DNAJC10: variants seen among roughly 807,000 people sequenced by gnomAD.
DNAJC10 encodes the protein endoplasmic reticulum disulfide reductase DNAJC10.
Under a neutral mutation model 115.0 loss-of-function variants are expected in DNAJC10, and 101 were observed. The ratio of observed to expected loss-of-function variants is 0.88; its 90% CI spans 0.75 to 1.04. The LOEUF (loss-of-function observed/expected upper bound fraction) is 1.04. Among genes scored for constraint, DNAJC10 ranks in the 50% least tolerant of loss-of-function variants. The probability of loss-of-function intolerance (pLI) is 0.00; values close to 1 mark genes in which losing one functional copy is unlikely to be tolerated. For missense variants in DNAJC10, 981 were observed against 928.8 expected (o/e 1.06, Z -0.73); for synonymous variants, 307 against 301.5 (o/e 1.02, Z -0.19).
At chr2:182,759,402 T>G in intron 21 of DNAJC10, 95 bp downstream of exon 21, 1 of 1,210,958 alleles carries the variant, frequency 8.3e-7, no homozygotes, top group South Asian at 1.4e-5. Context: ...GTTTTTTTCT[T>G]AAATGTTTCC....
rs1420720544 is a variant in DNAJC10 at position 182,791,965 on chromosome 2, A to G, written c.*14833A>G. On this transcript the variant is annotated 3_prime_UTR_variant, in exon 24 of 24. Coordinates refer to ENST00000264065, the MANE Select transcript of DNAJC10 (RefSeq NM_018981.4). Reference sequence around the variant, plus strand: ...TTTAAATTTAACTCTAAACAATGCAATAATCTAGAGAATCAGAGAATTGGA... The same window carrying G: ...TTTAAATTTAACTCTAAACAATGCAGTAATCTAGAGAATCAGAGAATTGGA... The G allele has an allele frequency of 1.3e-5, 2 of 152,186 alleles. No individual in the cohort carries two copies. The highest frequency in any genetic ancestry group is 3.2e-3 in the Middle Eastern group (1 of 316). The allele number at this position is 152,186 out of a possible 1,614,324, so 9.4% of individuals were successfully genotyped here.
intron 7 of DNAJC10, among the ~76,000 whole-genome samples, chr2:182,729,439 G>C (rs1693384084): frequency 6.6e-6 from 1 of 152,052 alleles, no homozygotes; most frequent in Non-Finnish European, 1.5e-5. Flanking sequence ...GTGAGCCACA[G>C]TGCCTGGCAA....
Position 182,718,043 on chromosome 2 carries a change from G to A in DNAJC10, c.-44G>A. The A allele has an allele frequency of 1.4e-6, 2 of 1,456,790 alleles. No homozygotes were observed. The highest frequency in any genetic ancestry group is 2.6e-5 in the South Asian group (2 of 76,700). 90.2% of individuals were successfully genotyped at this position (1,456,790 alleles called of 1,614,324 possible). A position where few individuals can be genotyped will look rare whatever the true frequency, so the allele number is the denominator to read the frequency against. On this transcript the variant is annotated 5_prime_UTR_variant, in exon 3 of 24. Transcript: ENST00000264065. ...TATTACATCAACTGGAACCAGCAGT[G>A]AATCTTAATGTTCACTTAAATCAGA...
rs1269475598 is a variant in DNAJC10, at chr2:182,762,730, G to A, written c.2194G>A (p.Ala732Thr). The A allele has an allele frequency of 6.2e-7, 1 of 1,612,438 alleles. No homozygotes were observed. The highest frequency in any genetic ancestry group is 1.1e-5 in the South Asian group (1 of 91,056). Residue 732 changes from alanine (A) to threonine (T), a missense_variant, in exon 22 of 24, where the codon GCT (alanine) becomes ACT (threonine). Transcript: ENST00000264065. ...KAGKVDCQAY[A>T]QTCQKAGIRA... is the part of the protein sequence containing the mutation. ...TGGAAAAGTAGACTGTCAGGCTTATGCTCAGACATGCCAGAAAGCTGGGAT... is the reference window on the plus strand; with the variant it reads ...TGGAAAAGTAGACTGTCAGGCTTATACTCAGACATGCCAGAAAGCTGGGAT...
chr2:182,768,246 C>T (rs1057186620), intron 22 of DNAJC10, among the ~76,000 whole-genome samples: 4 of 152,174 alleles, frequency 2.6e-5, no homozygotes, highest in African/African-American at 9.6e-5. Context: ...CCTGAGTCTT[C>T]ATTTCTTTGA....
chr2:182,767,535 C>T (rs781116490), intron 22 of DNAJC10, among the ~76,000 whole-genome samples: 2 of 152,142 alleles, frequency 1.3e-5, no homozygotes, highest in South Asian at 2.1e-4. Context: ...TGGGATTCCT[C>T]GAAAATTGAT....
At chr2:182,756,290 T>C (rs900643442) in intron 17 of DNAJC10, 24 bp from the exon 18 acceptor site, 1 of 1,594,216 alleles carries the variant, frequency 6.3e-7, no homozygotes, top group South Asian at 1.1e-5. Flanking sequence ...ATATATGTTA[T>C]AATGGAAGCT....
In DNAJC10 at chr2:182,794,079, A is replaced by G. The variant is rs1249652254; in HGVS notation, c.*16947A>G. The G allele has an allele frequency of 6.6e-6, 1 of 152,132 alleles. No individual in the cohort carries two copies. The highest frequency in any genetic ancestry group is 2.4e-5 in the African/African-American group (1 of 41,428). 9.4% of individuals were successfully genotyped at this position (152,132 alleles called of 1,614,324 possible). On this transcript the variant is annotated 3_prime_UTR_variant, in exon 24 of 24. Coordinates refer to ENST00000264065, the MANE Select transcript of DNAJC10 (RefSeq NM_018981.4). ...CCTCCAAATGAAGGCATAAACAACA[A>G]TGCATGGGGATCCAAGAAACAGTGA... is the stretch of plus-strand genomic sequence containing the variant.
chr2:182,740,204 CCTAAAAATA>C, intron 11 of DNAJC10, 86 bp from the exon 12 acceptor site: 1 of 1,176,672 alleles, frequency 8.5e-7, no homozygotes, highest in South Asian at 2.6e-5. Context: ...TAATCATTTT[CCTAAAAATA>C]CTACATTGGA....
chr2:182,735,012 C>A (rs139381284), intron 10 of DNAJC10, among the ~76,000 whole-genome samples: 2 of 151,260 alleles, frequency 1.3e-5, no homozygotes, highest in African/African-American at 4.8e-5. Flanking sequence ...TATCTTAGTC[C>A]ATTTACATTT....
intron 1 of DNAJC10, 57 bp downstream of exon 1, chr2:182,716,540 C>G (rs1420273463): frequency 2.0e-5 from 3 of 152,418 alleles, no homozygotes; most frequent in South Asian, 2.1e-4. Flanking sequence ...CTGGGCCCTC[C>G]GGTCAGGGAG....
rs767914653 is a variant in DNAJC10 at position 182,758,827 on chromosome 2, C to G, written c.1944-10C>G. 6.3e-7 allele frequency: 1 copy of G among 1,596,734 alleles called. No individual in the cohort carries two copies. The highest frequency in any genetic ancestry group is 1.7e-5 in the Admixed American group (1 of 59,674). ...ATCCTATTTACAACTAACATTTTTT[C>G]TTCTCTCAGCAGTTACAATGGTTGG... On this transcript the variant is annotated splice_polypyrimidine_tract_variant and intron_variant, in intron 19 of 23. Coordinates refer to ENST00000264065, the MANE Select transcript of DNAJC10 (RefSeq NM_018981.4).
chr2:182,789,589 G>C lies in DNAJC10; in HGVS notation c.*12457G>C, dbSNP rs185870547. Reference sequence around the variant, plus strand: ...ACATTCTACATTTTGTTATTCGTCCGTTGATAGGCTGCCTTCACCCTTTGG... The same window carrying C: ...ACATTCTACATTTTGTTATTCGTCCCTTGATAGGCTGCCTTCACCCTTTGG... On this transcript the variant is annotated 3_prime_UTR_variant, in exon 24 of 24. Transcript: ENST00000264065. 6.6e-6 allele frequency: 1 copy of C among 152,178 alleles called. No homozygotes were observed. Among genetic ancestry groups the C allele is most frequent in the South Asian group, 2.1e-4 (1 of 4,830 alleles). 9.4% of individuals were successfully genotyped at this position (152,178 alleles called of 1,614,324 possible). A position where few individuals can be genotyped will look rare whatever the true frequency, so the allele number is the denominator to read the frequency against.
chr2:182,750,042 G>A (rs1194468588), intron 14 of DNAJC10, among the ~76,000 whole-genome samples: 1 of 152,166 alleles, frequency 6.6e-6, no homozygotes, highest in Non-Finnish European at 1.5e-5. Context: ...CAATATGGTA[G>A]CTAGCTTCTG....
chr2:182,726,582 C>T (rs1693288562), intron 5 of DNAJC10, among the ~76,000 whole-genome samples: 1 of 152,154 alleles, frequency 6.6e-6, no homozygotes, highest in African/African-American at 2.4e-5. Flanking sequence ...AGACATCAAT[C>T]AGTGTGGCAA....
chr2:182,775,196 T>A, intron 22 of DNAJC10, 120 bp from the exon 23 acceptor site: 2 of 671,730 alleles, frequency 3.0e-6, no homozygotes, highest in Non-Finnish European at 5.1e-6. Flanking sequence ...TAAATTTGAA[T>A]TTCAAACACT....
At chr2:182,719,222 C>T (rs145812464) in intron 3 of DNAJC10, among the ~76,000 whole-genome samples, 16 of 144,882 alleles carry the variant, frequency 1.1e-4, no homozygotes, top group Non-Finnish European at 2.0e-4. Context: ...AAGGAAGAAA[C>T]ATTTCCGATC....
intron 8 of DNAJC10, 107 bp downstream of exon 8, chr2:182,730,048 T>C (rs1248151513): frequency 3.0e-6 from 2 of 673,418 alleles, no homozygotes; most frequent in African/African-American, 1.9e-5. Context: ...AATTTTAAAG[T>C]GTCTTTTCCA....
intron 21 of DNAJC10, 30 bp downstream of exon 21, chr2:182,759,337 A>T: frequency 6.3e-7 from 1 of 1,576,012 alleles, no homozygotes; most frequent in Middle Eastern, 1.7e-4. Flanking sequence ...AATAAGTTGT[A>T]GCCACATTCA....
Sources: allele counts gnomAD v4.1 joint callset (sites outside exome capture counted in the v4.1 genomes callset), GRCh38; gene constraint gnomAD v4.1.1; transcripts MANE v1.5; gene names NCBI Gene and HGNC (gene_info 2026-07-23, HGNC 2026-07-21).